ALG5: variants seen among roughly 807,000 people sequenced by gnomAD.
ALG5 encodes the protein dolichyl-phosphate beta-glucosyltransferase.
Under a neutral mutation model 51.8 loss-of-function variants are expected in ALG5, and 26 were observed. That is an observed-to-expected ratio of 0.50 (90% CI 0.37 to 0.70). ALG5 has a LOEUF of 0.70. Among genes scored for constraint, ALG5 ranks in the 30% least tolerant of loss-of-function variants. The pLI, the probability that ALG5 is intolerant of heterozygous loss-of-function variation, is 0.00. For synonymous variants in ALG5, 141 were observed against 136.1 expected (o/e 1.04, Z -0.25); for missense variants, 311 against 399.3 (o/e 0.78, Z 1.88).
intron 6 of ALG5, among the ~76,000 whole-genome samples, chr13:36,981,522 T>C (rs911610099): frequency 2.6e-5 from 4 of 152,232 alleles, no homozygotes; most frequent in African/African-American, 9.6e-5. Flanking sequence ...TGCCCTAAGA[T>C]AGAACAAGAA....
intron 8 of ALG5, among the ~76,000 whole-genome samples, chr13:36,956,318 G>A (rs2058839495): frequency 6.6e-6 from 1 of 152,116 alleles, no homozygotes; most frequent in African/African-American, 2.4e-5. Context: ...TTATAAAAAA[G>A]ATGACACAAC....
In ALG5 at chr13:36,973,838, A is replaced by T. The variant is rs186171565; in HGVS notation, c.562-1802T>A. Among the ~76,000 whole-genome samples, 24 of 152,334 alleles carry T rather than the reference A, an allele frequency of 1.6e-4. No homozygotes were observed. The East Asian group carries it at 4.6e-3, about 29-fold the overall frequency. On this transcript the variant is annotated intron_variant, in intron 6 of 9. Coordinates refer to ENST00000239891, the MANE Select transcript of ALG5 (RefSeq NM_013338.5). ...TCTTGAACAACTGAAAAGATCCTCA[A>T]TTACACTTATTCCAAGAGTAATGCG...
chr13:36,994,329 T>G (rs555850955), intron 3 of ALG5, among the ~76,000 whole-genome samples: 1 of 152,320 alleles, frequency 6.6e-6, no homozygotes, highest in Non-Finnish European at 1.5e-5. Context: ...AAACAATTTT[T>G]TTTTAAAAAG....
intron 6 of ALG5, among the ~76,000 whole-genome samples, chr13:36,973,035 T>A (rs1368238532): frequency 1.2e-4 from 14 of 117,864 alleles, no homozygotes; most frequent in South Asian, 2.7e-4. Flanking sequence ...TTAAAACCAA[T>A]AAAAATGCCA....
At chr13:36,975,626 AAC>A (rs1329956856) in intron 6 of ALG5, among the ~76,000 whole-genome samples, 1 of 152,264 alleles carries the variant, frequency 6.6e-6, no homozygotes, top group African/African-American at 2.4e-5. Context: ...CAACTGAAAG[AAC>A]ATCTTTGAAT....
intron 6 of ALG5, among the ~76,000 whole-genome samples, chr13:36,982,368 C>T (rs540175400): frequency 2.0e-5 from 3 of 152,312 alleles, no homozygotes; most frequent in Non-Finnish European, 4.4e-5. Context: ...GCTGAAAGAT[C>T]ACTAGGTAGT....
chr13:36,979,176 A>G (rs1328378919), intron 6 of ALG5, among the ~76,000 whole-genome samples: 2 of 151,762 alleles, frequency 1.3e-5, no homozygotes, highest in African/African-American at 4.8e-5. Context: ...GCCACCATGC[A>G]TGGCTAAGTT....
At position 36,949,835 on chromosome 13, in the gene ALG5, G is replaced by T; in HGVS notation, c.*107C>A. 1.8e-6 allele frequency: 1 copy of T among 544,380 alleles called. No individual in the cohort carries two copies. The highest frequency in any genetic ancestry group is 4.4e-5 in the South Asian group (1 of 22,714). 33.7% of individuals were successfully genotyped at this position (544,380 alleles called of 1,614,324 possible). On this transcript the variant is annotated 3_prime_UTR_variant, in exon 10 of 10. Transcript: ENST00000239891. ...GTTATTTCTTTAAAATTATCAAAAG[G>T]CAGACAATGACAAGAAGTTTATTTC...
intron 8 of ALG5, among the ~76,000 whole-genome samples, chr13:36,958,505 G>GC (rs1402513659): frequency 6.6e-6 from 1 of 152,270 alleles, no homozygotes; most frequent in South Asian, 2.1e-4. Flanking sequence ...TGGCCTGCTA[G>GC]CCCATGCTCC....
At chr13:36,980,070 T>A (rs2058972944) in intron 6 of ALG5, among the ~76,000 whole-genome samples, 1 of 152,002 alleles carries the variant, frequency 6.6e-6, no homozygotes, top group South Asian at 2.1e-4. Context: ...AAAAAATAAA[T>A]AAAATAATTT....
At position 36,952,580 on chromosome 13, in the gene ALG5, G is replaced by C. The variant is rs763549556; in HGVS notation, c.793C>G (p.Leu265Val). 8 of 1,579,370 alleles carry C rather than the reference G, an allele frequency of 5.1e-6. No homozygotes were observed. The Admixed American group carries it at 9.7e-5, about 19-fold the overall frequency. ...VERWAFDVEL[L>V]YIAQFFKIPI... is the part of the protein sequence containing the mutation. ...ATTTTAAAGAACTGTGCTATGTACAGTAGTTCTACATCAAATGCCCTAAAA... is the reference window on the plus strand; with the variant it reads ...ATTTTAAAGAACTGTGCTATGTACACTAGTTCTACATCAAATGCCCTAAAA... Residue 265 changes from leucine to valine, a missense_variant, in exon 9 of 10, where the codon CTG (leucine) becomes GTG (valine). Physicochemically the swap from Leu to Val is conservative, Grantham distance 32. Coordinates refer to ENST00000239891, the MANE Select transcript of ALG5 (RefSeq NM_013338.5).
In ALG5 at chr13:36,957,237, A is replaced by G. The variant is rs569666279; in HGVS notation, c.774-4638T>C. On this transcript the variant is annotated intron_variant, in intron 8 of 9. Transcript: ENST00000239891. Reference sequence around the variant, plus strand: ...TATCGCCAAGCTCCTTCAGGAGAACAAAGAACAGGCCATTACCAGGAGAAC... The same window carrying G: ...TATCGCCAAGCTCCTTCAGGAGAACGAAGAACAGGCCATTACCAGGAGAAC... Among the ~76,000 whole-genome samples, 10 of 151,616 alleles carry G rather than the reference A, an allele frequency of 6.6e-5. No homozygotes were observed. In the South Asian group the frequency reaches 2.1e-3, roughly 32 times the overall value.
chr13:36,959,436 C>T (rs2058855752), intron 8 of ALG5, among the ~76,000 whole-genome samples: 1 of 152,152 alleles, frequency 6.6e-6, no homozygotes, highest in South Asian at 2.1e-4. Context: ...ATCATAATAT[C>T]ACTTTGTATC....
At chr13:36,997,634 G>A (rs1353136961) in intron 1 of ALG5, among the ~76,000 whole-genome samples, 1 of 152,124 alleles carries the variant, frequency 6.6e-6, no homozygotes, top group Admixed American at 6.5e-5. Context: ...AGACAAGTGA[G>A]GGCAAGTGAA....
chr13:36,969,498 G>A (rs2058911203), intron 7 of ALG5, among the ~76,000 whole-genome samples: 2 of 151,010 alleles, frequency 1.3e-5, no homozygotes, highest in South Asian at 4.2e-4. Context: ...CTGTTTTAGT[G>A]TGCAAAAACA....
intron 8 of ALG5, among the ~76,000 whole-genome samples, 189 bp downstream of exon 8, chr13:36,965,386 T>C (rs2058888441): frequency 6.6e-6 from 1 of 152,142 alleles, no homozygotes; most frequent in Non-Finnish European, 1.5e-5. Flanking sequence ...TACCATATTG[T>C]TGGGTTTGTG....
intron 7 of ALG5, among the ~76,000 whole-genome samples, chr13:36,969,993 A>G: frequency 6.6e-6 from 1 of 150,852 alleles, no homozygotes; most frequent in East Asian, 1.9e-4. Context: ...TGTATTTCCT[A>G]TTGTGGGAAT....
intron 8 of ALG5, chr13:36,952,800 T>C (rs923080523): frequency 2.6e-6 from 1 of 390,744 alleles, no homozygotes; most frequent in Non-Finnish European, 4.5e-6. Context: ...TAGAATATCA[T>C]TGCATAATAT....
chr13:36,949,916 G>T lies in ALG5; in HGVS notation c.*26C>A. The stretch of plus-strand genomic sequence containing the variant: ...AATGAAATGTGACACTGAAGCATAA[G>T]AACACAACTGAAGACTGCAAACAAC... On this transcript the variant is annotated 3_prime_UTR_variant, in exon 10 of 10. Transcript: ENST00000239891. 1 of 1,461,790 alleles carries T rather than the reference G, an allele frequency of 6.8e-7. No homozygotes were observed. The highest frequency in any genetic ancestry group is 9.4e-7 in the Non-Finnish European group (1 of 1,058,674). 90.6% of individuals were successfully genotyped at this position (1,461,790 alleles called of 1,614,324 possible).
Sources: allele counts gnomAD v4.1 joint callset (sites outside exome capture counted in the v4.1 genomes callset), GRCh38; gene constraint gnomAD v4.1.1; transcripts MANE v1.5; gene names NCBI Gene and HGNC (gene_info 2026-07-23, HGNC 2026-07-21).